Variants in MYO6 observed in about 807,000 individuals in gnomAD.
The protein encoded by MYO6 is myosin VI.
Under a neutral mutation model 178.7 loss-of-function variants are expected in MYO6, and 74 were observed. The observed-to-expected ratio is 0.41, with a 90% confidence interval of 0.34 to 0.50. The LOEUF (loss-of-function observed/expected upper bound fraction) is 0.50, where lower values mean the gene tolerates loss of function less well. Ranked by LOEUF, MYO6 falls within the 20% of genes least tolerant of loss-of-function variation. The pLI is 0.09. For synonymous variants in MYO6, 477 were observed against 504.6 expected (o/e 0.95, Z 0.73); for missense variants, 1,330 against 1,547.4 (o/e 0.86, Z 2.36).
At chr6:75,854,935 T>C (rs1304549070) in intron 11 of MYO6, among the ~76,000 whole-genome samples, 19 of 152,184 alleles carry the variant, frequency 1.2e-4, no homozygotes, top group Non-Finnish European at 2.9e-5. Flanking sequence ...TACCATGGAC[T>C]TCCCCAAGGG....
chr6:75,856,328 CT>C (rs1410255856), intron 12 of MYO6, among the ~76,000 whole-genome samples: 8 of 152,028 alleles, frequency 5.3e-5, no homozygotes, highest in Non-Finnish European at 1.2e-4. Context: ...CAAAGCAGCT[CT>C]TTTATGTACT....
intron 9 of MYO6, among the ~76,000 whole-genome samples, chr6:75,844,461 GATA>G (rs1774537654): frequency 1.3e-5 from 2 of 151,984 alleles, no homozygotes; most frequent in African/African-American, 4.8e-5. Context: ...GAAAATCAAG[GATA>G]GAATTTCTTA....
intron 8 of MYO6, 97 bp downstream of exon 8, chr6:75,840,779 T>A: frequency 3.5e-6 from 3 of 867,486 alleles, no homozygotes; most frequent in Non-Finnish European, 5.7e-6. Context: ...GGTAAATACC[T>A]TTAAGTTTCA....
intron 1 of MYO6, among the ~76,000 whole-genome samples, chr6:75,812,259 C>A (rs1770766648): frequency 6.6e-6 from 1 of 152,194 alleles, no homozygotes; most frequent in African/African-American, 2.4e-5. Flanking sequence ...CTCCTAGGAT[C>A]AAGTGATCCT....
chr6:75,858,853 T>A (rs1479743443), intron 13 of MYO6, 49 bp from the exon 14 acceptor site: 2 of 1,070,876 alleles, frequency 1.9e-6, no homozygotes, highest in Non-Finnish European at 2.8e-6. Flanking sequence ...GATAAATTTA[T>A]ATGAAGTTGA....
chr6:75,841,936 C>G (rs535724396), intron 9 of MYO6, among the ~76,000 whole-genome samples: 1 of 152,054 alleles, frequency 6.6e-6, no homozygotes, highest in Admixed American at 6.6e-5. Context: ...TTAAACCCTA[C>G]GTCAATTTAA....
In MYO6 at chr6:75,806,046, G is replaced by A. The variant is rs148909618; in HGVS notation, c.-47-11455G>A. On this transcript the variant is annotated intron_variant, in intron 1 of 34. Transcript: ENST00000369977. ...TGAAAGAATTTTGTCATCTTTGGTG[G>A]GGTGAATAAATCAGACTTCATTAAT... 3.3e-5 allele frequency among the ~76,000 whole-genome samples: 5 copies of A among 152,004 alleles called. No homozygotes were observed. In the East Asian group the frequency reaches 9.7e-4, roughly 29 times the overall value.
intron 24 of MYO6, among the ~76,000 whole-genome samples, chr6:75,886,346 G>T (rs893519613): frequency 5.3e-5 from 8 of 152,122 alleles, no homozygotes; most frequent in Non-Finnish European, 4.4e-5. Context: ...AAAACAAGAA[G>T]TAAGTAGTTG....
At chr6:75,857,310 G>C (rs1269430151) in intron 13 of MYO6, 56 bp downstream of exon 13, 1 of 1,538,492 alleles carries the variant, frequency 6.5e-7, no homozygotes, top group Non-Finnish European at 9.0e-7. Flanking sequence ...TCACACATTA[G>C]AATTTGTTCT....
chr6:75,834,715 T>C (rs1212151577), intron 6 of MYO6, among the ~76,000 whole-genome samples: 1 of 152,008 alleles, frequency 6.6e-6, no homozygotes, highest in Non-Finnish European at 1.5e-5. Context: ...TGCTGCATAG[T>C]GGTACTATGA....
At chr6:75,912,648 G>T (rs868705663) in intron 33 of MYO6, among the ~76,000 whole-genome samples, 25 of 152,124 alleles carry the variant, frequency 1.6e-4, no homozygotes, top group Admixed American at 5.9e-4. Flanking sequence ...CTGTAAACTG[G>T]ACATTAAATT....
At chr6:75,833,694 T>C (rs1773353986) in intron 6 of MYO6, among the ~76,000 whole-genome samples, 2 of 152,236 alleles carry the variant, frequency 1.3e-5, no homozygotes, top group African/African-American at 4.8e-5. Flanking sequence ...TTTTTAAGGC[T>C]GAATACTATT....
At position 75,858,945 on chromosome 6, in the gene MYO6, T is replaced by C; in HGVS notation, c.1425T>C (p.Tyr475=). The change falls in exon 14 of 35, where the codon TAT becomes TAC. Residue 475 remains tyrosine, a synonymous_variant. Coordinates refer to ENST00000369977, the MANE Select transcript of MYO6 (RefSeq NM_004999.4). ...GTTTTGAACAATTTTGCATCAACTATTGCAATGAAAAACTTCAACAATTTT... is the reference window on the plus strand; with the variant it reads ...GTTTTGAACAATTTTGCATCAACTACTGCAATGAAAAACTTCAACAATTTT... ...HNSFEQFCIN[Y]CNEKLQQFFN... 6.2e-7 allele frequency: 1 copy of C among 1,611,494 alleles called. No homozygotes were observed. The highest frequency in any genetic ancestry group is 2.2e-5 in the East Asian group (1 of 44,806).
chr6:75,870,247 T>C (rs184853447), intron 18 of MYO6, among the ~76,000 whole-genome samples: 1 of 152,390 alleles, frequency 6.6e-6, no homozygotes, highest in Admixed American at 6.5e-5. Context: ...TCATTCCTAA[T>C]GTGTGTGACA....
chr6:75,808,326 CTG>C (rs1271448013), intron 1 of MYO6, among the ~76,000 whole-genome samples: 1 of 152,214 alleles, frequency 6.6e-6, no homozygotes, highest in African/African-American at 2.4e-5. Context: ...AGCCTTTTCT[CTG>C]TGTGTTCCCT....
chr6:75,770,002 C>T (rs1344877238), intron 1 of MYO6, among the ~76,000 whole-genome samples: 1 of 152,144 alleles, frequency 6.6e-6, no homozygotes, highest in East Asian at 1.9e-4. Flanking sequence ...AGGGCAGTGG[C>T]CCCCTTCTCA....
chr6:75,778,883 C>T (rs1766662624), intron 1 of MYO6, among the ~76,000 whole-genome samples: 1 of 151,482 alleles, frequency 6.6e-6, no homozygotes, highest in Non-Finnish European at 1.5e-5. Flanking sequence ...TAAATCCTAT[C>T]TCTACAAAAA....
chr6:75,767,227 T>G (rs1289856500), intron 1 of MYO6, among the ~76,000 whole-genome samples: 1 of 152,002 alleles, frequency 6.6e-6, no homozygotes, highest in Non-Finnish European at 1.5e-5. Context: ...AGTTTTACCA[T>G]GTTGACTAGG....
chr6:75,896,482 T>C (rs1779312782), intron 29 of MYO6, among the ~76,000 whole-genome samples: 1 of 152,226 alleles, frequency 6.6e-6, no homozygotes, highest in Admixed American at 6.5e-5. Context: ...CTTTGTGAAG[T>C]TCTGAACAGA....
Sources: allele counts gnomAD v4.1 joint callset (sites outside exome capture counted in the v4.1 genomes callset), GRCh38; gene constraint gnomAD v4.1.1; transcripts MANE v1.5; gene names NCBI Gene and HGNC (gene_info 2026-07-23, HGNC 2026-07-21).